The following ATAD2B variants were observed in gnomAD, a reference collection of about 807,000 sequenced individuals.
ATAD2B encodes the protein ATPase family AAA domain containing 2B.
ATAD2B carries 40 observed loss-of-function variants against 167.6 expected under a neutral mutation model. The ratio of observed to expected loss-of-function variants is 0.24; its 90% confidence interval spans 0.19 to 0.31. The LOEUF (loss-of-function observed/expected upper bound fraction) is 0.31. ATAD2B is among the 10% of genes least tolerant of loss of function. The pLI is 1.00. For synonymous variants in ATAD2B, 579 were observed against 596.5 expected, an observed-to-expected ratio of 0.97 and a Z score of 0.43; for missense variants, 1,242 against 1,757.2, an observed-to-expected ratio of 0.71 and a Z score of 5.24.
Position 23,823,318 on chromosome 2 carries a change from G to A in ATAD2B, c.2071C>T (p.Leu691=). ...PLLERSFNNI[L]AVLQKVFPHA... ...GGAAACACTTTTTGCAAGACTGCTA[G>A]GATGTTGTTGAAGCTTCTTTCCAGC... The change falls in exon 16 of 28, where the codon CTA becomes TTA. Residue 691 remains leucine (L), a synonymous_variant. Transcript: ENST00000238789. 6.2e-7 allele frequency: 1 copy of A among 1,613,728 alleles called. No individual in the cohort carries two copies. Among genetic ancestry groups the A allele is most frequent in the East Asian group, 2.2e-5 (1 of 44,872 alleles).
At chr2:23,686,288 A>C in the ATAD2B span, among the ~76,000 whole-genome samples, 1 of 151,516 alleles carries the variant, frequency 6.6e-6, no homozygotes, top group South Asian at 2.1e-4. Flanking sequence ...GAAGGAGAAC[A>C]GTAGGATGTG....
chr2:23,801,531 A>AT (rs1422212385), intron 18 of ATAD2B, among the ~76,000 whole-genome samples: 1 of 152,102 alleles, frequency 6.6e-6, no homozygotes, highest in Non-Finnish European at 1.5e-5. Context: ...AGTAGGCCAA[A>AT]TTACTGAACC....
the ATAD2B span, among the ~76,000 whole-genome samples, chr2:23,706,278 T>C: frequency 1.3e-5 from 2 of 152,182 alleles, no homozygotes; most frequent in Admixed American, 6.5e-5. Flanking sequence ...CAGGGTGGCA[T>C]AGCACGGCTT....
intron 2 of ATAD2B, among the ~76,000 whole-genome samples, chr2:23,891,973 G>A (rs1032109980): frequency 1.3e-5 from 2 of 152,060 alleles, no homozygotes; most frequent in Non-Finnish European, 1.5e-5. Flanking sequence ...AATGATTTAT[G>A]AGGGTTATAA....
At chr2:23,695,882 T>C in the ATAD2B span, 2 of 1,534,644 alleles carry the variant, frequency 1.3e-6, no homozygotes, top group African/African-American at 2.7e-5. This position sits in a 1 kb window ranked among gnomAD's most constrained non-coding sequence, Gnocchi z 7.6. Flanking sequence ...GTGGTTCCAG[T>C]GAGGTGCCAG....
intron 18 of ATAD2B, among the ~76,000 whole-genome samples, chr2:23,801,520 C>T (rs752485552): frequency 4.6e-5 from 7 of 151,530 alleles, no homozygotes; most frequent in Non-Finnish European, 8.8e-5. Context: ...AAAAAAAAGA[C>T]AGTAGGCCAA....
chr2:23,687,768 A>G, the ATAD2B span, among the ~76,000 whole-genome samples: 1 of 152,166 alleles, frequency 6.6e-6, no homozygotes, highest in African/African-American at 2.4e-5. Context: ...AGGGGGTCTC[A>G]GGTCCCACAG....
At chr2:23,888,041 G>GAA (rs34093830) in intron 3 of ATAD2B, 56 bp from the exon 4 acceptor site, 4,805 of 1,180,118 alleles carry the variant, frequency 4.1e-3, no homozygotes, top group South Asian at 7.3e-3. Context: ...AGACAGAAAA[G>GAA]AAAAAAAAAA....
chr2:23,763,201 T>C (rs1426618179), intron 23 of ATAD2B, among the ~76,000 whole-genome samples: 1 of 152,202 alleles, frequency 6.6e-6, no homozygotes, highest in African/African-American at 2.4e-5. Context: ...CAACCAGTAA[T>C]ATGGCAGCCA....
downstream of ATAD2B, among the ~76,000 whole-genome samples, chr2:23,746,848 TGCTTTAAGA>T (rs1280705434): frequency 2.6e-5 from 4 of 152,196 alleles, no homozygotes; most frequent in Non-Finnish European, 4.4e-5. Context: ...AATTTAAAAG[TGCTTTAAGA>T]GCTTTTAAGA....
chr2:23,723,190 G>T, the ATAD2B span, among the ~76,000 whole-genome samples: 1 of 152,082 alleles, frequency 6.6e-6, no homozygotes, highest in Non-Finnish European at 1.5e-5. Context: ...CTACCCAGAG[G>T]GCTGACATGT....
intron 1 of ATAD2B, among the ~76,000 whole-genome samples, chr2:23,908,162 C>T (rs1214772367): frequency 6.6e-6 from 1 of 152,066 alleles, no homozygotes; most frequent in Non-Finnish European, 1.5e-5. Context: ...AACTAAAGAG[C>T]TTCTGCACAG....
At chr2:23,737,942 G>A in the ATAD2B span, among the ~76,000 whole-genome samples, 1 of 152,132 alleles carries the variant, frequency 6.6e-6, no homozygotes, top group Middle Eastern at 3.2e-3. Flanking sequence ...TGGAAGAAAG[G>A]GTATCAGTGA....
At chr2:23,925,255 T>C (rs1704555102) in intron 1 of ATAD2B, among the ~76,000 whole-genome samples, 1 of 152,152 alleles carries the variant, frequency 6.6e-6, no homozygotes, top group African/African-American at 2.4e-5. Context: ...GCCCCCAAAA[T>C]AGTCTATTAA....
chr2:23,693,113 A>G, the ATAD2B span, among the ~76,000 whole-genome samples: 1 of 152,112 alleles, frequency 6.6e-6, no homozygotes, highest in African/African-American at 2.4e-5. Context: ...CGAAGCCTCC[A>G]GACACCCAGG....
chr2:23,730,391 GCA>G, the ATAD2B span, among the ~76,000 whole-genome samples: 1 of 151,942 alleles, frequency 6.6e-6, no homozygotes, highest in Non-Finnish European at 1.5e-5. Context: ...GTCAGGCCGG[GCA>G]CAGTGGCTCA....
chr2:23,817,382 T>C (rs1572886863), intron 17 of ATAD2B, among the ~76,000 whole-genome samples: 1 of 152,226 alleles, frequency 6.6e-6, no homozygotes, highest in Admixed American at 6.5e-5. Context: ...TTACTGAATA[T>C]GAAGCACAGA....
At position 23,751,802 on chromosome 2, in the gene ATAD2B, T is replaced by C; in HGVS notation, c.*244A>G. On this transcript the variant is annotated 3_prime_UTR_variant, in exon 28 of 28. Transcript: ENST00000238789. The stretch of plus-strand genomic sequence containing the variant: ...CTGTAGCACCAAAATCTCCAAGCTG[T>C]GGGGTTGTATTTTTTATTTGTGGAA... The C allele has an allele frequency of 2.0e-6, 1 of 502,644 alleles. No homozygotes were observed. Among genetic ancestry groups the C allele is most frequent in the Non-Finnish European group, 3.5e-6 (1 of 282,548 alleles). 31.1% of individuals were successfully genotyped at this position (502,644 alleles called of 1,614,324 possible).
the ATAD2B span, among the ~76,000 whole-genome samples, chr2:23,732,980 T>C: frequency 3.9e-5 from 6 of 152,182 alleles, no homozygotes; most frequent in African/African-American, 1.4e-4. Context: ...AGAAGGGTGA[T>C]AATAGTATCT....
Sources: gnomAD v4.1 joint callset for allele counts (sites outside exome capture counted in the v4.1 genomes callset) on GRCh38, gnomAD v4.1.1 for gene constraint, Gnocchi (gnomAD v3.1) non-coding constraint, MANE v1.5 for transcripts, NCBI Gene and HGNC (gene_info 2026-07-23, HGNC 2026-07-21) for gene names.